Variants in CDH13 observed in about 807,000 individuals in gnomAD.
CDH13 encodes the protein cadherin-13.
In CDH13, 24 loss-of-function variants were observed where a neutral mutation model predicts 63.8. The observed-to-expected ratio is 0.38, with a 90% CI of 0.27 to 0.53. CDH13 has a LOEUF of 0.53. CDH13 is among the 20% of genes least tolerant of loss of function. The pLI is 0.85. For synonymous variants in CDH13, 503 were observed against 355.3 expected (o/e 1.42, Z -4.67); for missense variants, 1,049 against 903.1 (o/e 1.16, Z -2.07).
At chr16:82,815,565 C>G (rs781541618) in intron 1 of CDH13, among the ~76,000 whole-genome samples, 1 of 152,288 alleles carries the variant, frequency 6.6e-6, no homozygotes, top group Admixed American at 6.5e-5. Flanking sequence ...TTAAAGCCCA[C>G]TGCTCTCAAA....
intron 2 of CDH13, among the ~76,000 whole-genome samples, chr16:82,944,404 A>T (rs1340237901): frequency 1.3e-5 from 2 of 152,200 alleles, no homozygotes; most frequent in African/African-American, 4.8e-5. Flanking sequence ...TCTCAACAGA[A>T]CAGAGAAGTT....
intron 2 of CDH13, among the ~76,000 whole-genome samples, chr16:82,905,211 A>G (rs565540072): frequency 6.6e-5 from 10 of 152,328 alleles, no homozygotes; most frequent in Non-Finnish European, 1.0e-4. Context: ...TCGCGATTAT[A>G]TGGATCATCT....
intron 7 of CDH13, among the ~76,000 whole-genome samples, chr16:83,530,816 C>T (rs963700393): frequency 6.6e-6 from 1 of 152,198 alleles, no homozygotes; most frequent in African/African-American, 2.4e-5. Flanking sequence ...GTTGAAATGA[C>T]ATTTACCAGT....
At position 82,947,104 on chromosome 16, in the gene CDH13, G is replaced by A. The variant is rs564860077; in HGVS notation, c.158-84906G>A. On this transcript the variant is annotated intron_variant, in intron 2 of 13. Transcript: ENST00000567109. ...TTCCTTATTCCTCTCTCTGATTACTGTCAATGCTAGCTAGTTGATGTCAGT... is the reference window on the plus strand; with the variant it reads ...TTCCTTATTCCTCTCTCTGATTACTATCAATGCTAGCTAGTTGATGTCAGT... Among the ~76,000 whole-genome samples, 4 of 150,862 alleles carry A rather than the reference G, an allele frequency of 2.7e-5. No homozygotes were observed. The South Asian group carries it at 8.5e-4, about 32-fold the overall frequency.
At chr16:83,402,241 C>G (rs2091979740) in intron 6 of CDH13, among the ~76,000 whole-genome samples, 1 of 152,100 alleles carries the variant, frequency 6.6e-6, no homozygotes, top group Non-Finnish European at 1.5e-5. Context: ...CTGTCTGGCT[C>G]CCGGAGCGCC....
intron 7 of CDH13, among the ~76,000 whole-genome samples, chr16:83,570,320 C>A (rs1343974131): frequency 6.6e-6 from 1 of 152,120 alleles, no homozygotes; most frequent in Non-Finnish European, 1.5e-5. Context: ...TGTCTGTTCA[C>A]CCCACCTTCT....
chr16:82,661,461 G>A (rs1002668381), intron 1 of CDH13, among the ~76,000 whole-genome samples: 3 of 152,210 alleles, frequency 2.0e-5, no homozygotes, highest in African/African-American at 4.8e-5. Context: ...TAAAGAGGTT[G>A]CTGCCGGCTG....
At chr16:82,747,324 G>A (rs1404815107) in intron 1 of CDH13, among the ~76,000 whole-genome samples, 4 of 152,194 alleles carry the variant, frequency 2.6e-5, no homozygotes, top group Admixed American at 1.3e-4. Context: ...GCACGTTAAA[G>A]TTTGAGGTGT....
At chr16:83,775,903 A>G (rs976443816) in intron 11 of CDH13, among the ~76,000 whole-genome samples, 1 of 152,050 alleles carries the variant, frequency 6.6e-6, no homozygotes, top group African/African-American at 2.4e-5. Flanking sequence ...TCTAGAGAAT[A>G]CTTAGAAGCC....
chr16:83,610,876 C>G (rs965608832), intron 8 of CDH13, among the ~76,000 whole-genome samples: 1 of 152,160 alleles, frequency 6.6e-6, no homozygotes, highest in African/African-American at 2.4e-5. Flanking sequence ...GTTGATTCCA[C>G]CAGAGTAGTT....
intron 2 of CDH13, among the ~76,000 whole-genome samples, chr16:82,946,946 A>T (rs1236250954): frequency 6.6e-6 from 1 of 152,084 alleles, no homozygotes; most frequent in Non-Finnish European, 1.5e-5. Flanking sequence ...CAGATTGGAT[A>T]CATACAATCA....
intron 8 of CDH13, among the ~76,000 whole-genome samples, chr16:83,611,902 T>A (rs746057938): frequency 5.9e-5 from 9 of 152,130 alleles, no homozygotes; most frequent in Non-Finnish European, 8.8e-5. Context: ...TACAGTCCTT[T>A]GACATTTGCT....
chr16:82,799,084 TGATA>T (rs977585176), intron 1 of CDH13, among the ~76,000 whole-genome samples: 45 of 152,236 alleles, frequency 3.0e-4, no homozygotes. Flanking sequence ...TCTCTGAGAA[TGATA>T]GATAAACATG....
chr16:82,703,697 C>T (rs540774553), intron 1 of CDH13, among the ~76,000 whole-genome samples: 1 of 152,280 alleles, frequency 6.6e-6, no homozygotes, highest in South Asian at 2.1e-4. Context: ...TTCTATACTT[C>T]ACAAAAATGA....
intron 1 of CDH13, among the ~76,000 whole-genome samples, chr16:82,672,830 T>G (rs1284643120): frequency 6.7e-6 from 1 of 150,158 alleles, no homozygotes; most frequent in Non-Finnish European, 1.5e-5. Context: ...ATATATATAT[T>G]TGGAGACAGA....
intron 5 of CDH13, among the ~76,000 whole-genome samples, chr16:83,225,031 A>G (rs1385213461): frequency 2.6e-5 from 4 of 152,190 alleles, no homozygotes; most frequent in Non-Finnish European, 4.4e-5. Context: ...CCAGACTAAC[A>G]GCGTCACCTG....
At chr16:82,927,313 A>C (rs1055896220) in intron 2 of CDH13, among the ~76,000 whole-genome samples, 10 of 152,176 alleles carry the variant, frequency 6.6e-5, no homozygotes, top group Non-Finnish European at 1.0e-4. Flanking sequence ...ACGGAGAGTC[A>C]TGTCACCATT....
intron 3 of CDH13, among the ~76,000 whole-genome samples, chr16:83,111,723 A>T (rs1297174243): frequency 6.6e-6 from 1 of 152,208 alleles, no homozygotes; most frequent in Non-Finnish European, 1.5e-5. Context: ...CATCATAAAA[A>T]CCTGGATCAT....
rs192762996 is a variant in CDH13, at chr16:83,023,321, C to G, written c.158-8689C>G. Among the ~76,000 whole-genome samples, 26 of 152,272 alleles carry G rather than the reference C, an allele frequency of 1.7e-4. No homozygotes were observed. In the East Asian group the frequency reaches 4.6e-3, roughly 27 times the overall value. On this transcript the variant is annotated intron_variant, in intron 2 of 13. Coordinates refer to ENST00000567109, the MANE Select transcript of CDH13 (RefSeq NM_001257.5). ...CACTACCCCCCGACTCCACCCCGCC[C>G]TCCCAGGGTGTTCTAAGATTATCTC...
Sources: gnomAD v4.1 joint callset for allele counts (sites outside exome capture counted in the v4.1 genomes callset) on GRCh38, gnomAD v4.1.1 for gene constraint, MANE v1.5 for transcripts, NCBI Gene and HGNC (gene_info 2026-07-23, HGNC 2026-07-21) for gene names.